The following PCDHGA4 variants were observed in gnomAD, a reference collection of about 807,000 sequenced individuals.
PCDHGA4 encodes protocadherin gamma-A4.
Under a neutral mutation model 54.6 loss-of-function variants are expected in PCDHGA4, and 38 were observed. That is an observed-to-expected ratio of 0.70 (90% CI 0.54 to 0.91). PCDHGA4 has a LOEUF of 0.91. Among genes scored for constraint, PCDHGA4 ranks in the 40% least tolerant of loss-of-function variants. The probability of loss-of-function intolerance (pLI) is 0.00; values close to 1 mark genes in which losing one functional copy is unlikely to be tolerated. For synonymous variants in PCDHGA4, 511 were observed against 512.9 expected, an observed-to-expected ratio of 1.00 and a Z score of 0.05; for missense variants, 1,298 against 1,220.9, an observed-to-expected ratio of 1.06 and a Z score of -0.94.
Position 141,356,039 on chromosome 5 carries a change from CT to C in PCDHGA4, c.935del (p.Phe312SerfsTer4), listed in dbSNP as rs1352227097. Reference sequence around the variant, plus strand: ...GGAGCCAATGGAGACGTGACGTATTCTTTCCGGAAAGTAAGAGACAAAATAT... The same window carrying C: ...GGAGCCAATGGAGACGTGACGTATTCTTCCGGAAAGTAAGAGACAAAATAT... ...DEGANGDVTYSFRKVRDKISQ... is the reference protein window; with the variant it reads ...DEGANGDVTYXFRKVRDKISQ... On this transcript the variant is annotated frameshift_variant, in exon 1 of 4. Coordinates refer to ENST00000571252, the MANE Select transcript of PCDHGA4 (RefSeq NM_018917.4). LOFTEE classifies it high-confidence loss of function. The C allele has an allele frequency of 6.2e-7, 1 of 1,613,832 alleles. No homozygotes were observed. The highest frequency in any genetic ancestry group is 8.5e-7 in the Non-Finnish European group (1 of 1,179,898).
chr5:141,501,013 C>A (rs1456343329), intron 2 of PCDHGA4, among the ~76,000 whole-genome samples: 6 of 151,970 alleles, frequency 3.9e-5, no homozygotes, highest in Non-Finnish European at 8.8e-5. Flanking sequence ...GGACTACAGG[C>A]ACGCGCCACC....
Position 141,431,054 on chromosome 5 carries a change from G to T in PCDHGA4, c.2515-63753G>T. 6.2e-7 allele frequency: 1 copy of T among 1,614,198 alleles called. No individual in the cohort carries two copies. The highest frequency in any genetic ancestry group is 8.5e-7 in the Non-Finnish European group (1 of 1,180,004). ...AGACCGGGAGGAGCTCTGTATGGGG[G>T]CCATCAAGTGTCAATTAAATCTAGA... On this transcript the variant is annotated intron_variant, in intron 1 of 3. Transcript: ENST00000571252. This position sits in a 1 kb window ranked among gnomAD's most constrained non-coding sequence, Gnocchi z 4.8.
chr5:141,504,180 A>G (rs1195970606), intron 2 of PCDHGA4, among the ~76,000 whole-genome samples: 1 of 152,236 alleles, frequency 6.6e-6, no homozygotes, highest in Non-Finnish European at 1.5e-5. Context: ...ATTCAAAAAA[A>G]TCATGAAAAT....
intron 1 of PCDHGA4, chr5:141,403,389 C>A (rs764725441): frequency 1.9e-6 from 3 of 1,614,050 alleles, no homozygotes; most frequent in Non-Finnish European, 2.5e-6. Flanking sequence ...AACGAAATCG[C>A]GGTTCCTGGA....
At chr5:141,483,816 A>G (rs2099587505) in intron 1 of PCDHGA4, among the ~76,000 whole-genome samples, 1 of 152,172 alleles carries the variant, frequency 6.6e-6, no homozygotes, top group Admixed American at 6.5e-5. Context: ...TTTGGCAGCC[A>G]GTGTAACCTA....
At chr5:141,423,033 C>A (rs2096701827) in intron 1 of PCDHGA4, 2 of 1,614,102 alleles carry the variant, frequency 1.2e-6, no homozygotes, top group Non-Finnish European at 1.7e-6. Flanking sequence ...CAGGCCAGAA[C>A]GCCTGGCTGT....
At chr5:141,402,877 T>C in intron 1 of PCDHGA4, 3 of 1,469,748 alleles carry the variant, frequency 2.0e-6, no homozygotes, top group East Asian at 4.9e-5. Flanking sequence ...CACCATACTT[T>C]GCAGGGTGGA....
At chr5:141,395,134 A>G (rs1468654358) in intron 1 of PCDHGA4, 7 of 1,614,062 alleles carry the variant, frequency 4.3e-6, no homozygotes, top group Middle Eastern at 1.6e-4. Flanking sequence ...CCCCAGCCCA[A>G]CTACGCAGAC....
At position 141,433,251 on chromosome 5, in the gene PCDHGA4, C is replaced by T. The variant is rs1022165468; in HGVS notation, c.2515-61556C>T. The T allele has an allele frequency of 1.1e-5, 16 of 1,423,126 alleles. No homozygotes were observed. In the East Asian group the frequency reaches 3.7e-4, roughly 33 times the overall value. 88.2% of individuals were successfully genotyped at this position (1,423,126 alleles called of 1,614,324 possible). A position where few individuals can be genotyped will look rare whatever the true frequency, so the allele number is the denominator to read the frequency against. ...CTCTGTCTCCCAAGCTGGAATGCAGCGGTACGATCATAGCTCACTGCAGCC... is the reference window on the plus strand; with the variant it reads ...CTCTGTCTCCCAAGCTGGAATGCAGTGGTACGATCATAGCTCACTGCAGCC... On this transcript the variant is annotated intron_variant, in intron 1 of 3. Transcript: ENST00000571252.
intron 2 of PCDHGA4, among the ~76,000 whole-genome samples, chr5:141,497,540 C>A (rs866982821): frequency 7.4e-6 from 1 of 134,944 alleles, no homozygotes; most frequent in African/African-American, 2.8e-5. Context: ...TGCAACAAAC[C>A]TTTTTTTTTT....
intron 1 of PCDHGA4, chr5:141,402,883 G>A (rs1418475947): frequency 6.7e-7 from 1 of 1,483,116 alleles, no homozygotes; most frequent in South Asian, 1.4e-5. Flanking sequence ...ACTTTGCAGG[G>A]TGGAAGAAAG....
chr5:141,375,766 G>T (rs754916018), intron 1 of PCDHGA4: 5 of 1,614,270 alleles, frequency 3.1e-6, no homozygotes, highest in Non-Finnish European at 4.2e-6. Flanking sequence ...ATGCGCCCGA[G>T]ATCCTGTACC....
intron 1 of PCDHGA4, chr5:141,400,533 C>A (rs1416453682): frequency 6.2e-7 from 1 of 1,613,900 alleles, no homozygotes; most frequent in Non-Finnish European, 8.5e-7. Context: ...TGGTGAGTTT[C>A]ATTTATGTCT....
intron 1 of PCDHGA4, among the ~76,000 whole-genome samples, chr5:141,472,908 C>T (rs1369506606): frequency 1.3e-5 from 2 of 149,744 alleles, no homozygotes; most frequent in African/African-American, 2.5e-5. Context: ...ATTGCTTGAA[C>T]CCAAGAGGAG....
rs1360124362 is a variant in PCDHGA4 at position 141,489,688 on chromosome 5, G to A, written c.2515-5119G>A. On this transcript the variant is annotated intron_variant, in intron 1 of 3. Coordinates refer to ENST00000571252, the MANE Select transcript of PCDHGA4 (RefSeq NM_018917.4). This position sits in a 1 kb window ranked among gnomAD's most constrained non-coding sequence, Gnocchi z 4.5. The stretch of plus-strand genomic sequence containing the variant: ...CATCTCAGAATCAGCAGCATCTGGG[G>A]CACGATTCCCACTGGACAGTGCCCA... 6.2e-7 allele frequency: 1 copy of A among 1,614,150 alleles called. No homozygotes were observed. Among genetic ancestry groups the A allele is most frequent in the Non-Finnish European group, 8.5e-7 (1 of 1,180,012 alleles).
At chr5:141,488,273 C>A (rs1411817846) in intron 1 of PCDHGA4, among the ~76,000 whole-genome samples, 6 of 152,256 alleles carry the variant, frequency 3.9e-5, no homozygotes, top group East Asian at 1.9e-4. Flanking sequence ...TTGGTCATCA[C>A]CTTTGGAAAA....
chr5:141,459,573 T>TTC (rs2098970689), intron 1 of PCDHGA4, among the ~76,000 whole-genome samples: 1 of 152,208 alleles, frequency 6.6e-6, no homozygotes, highest in Non-Finnish European at 1.5e-5. Context: ...CAAAACAGAA[T>TTC]TGTTTTGGGG....
chr5:141,375,308 G>A (rs761294258), intron 1 of PCDHGA4: 1 of 1,613,722 alleles, frequency 6.2e-7, no homozygotes, highest in African/African-American at 1.3e-5. Flanking sequence ...GACAAATGCA[G>A]CTCTAGACCG....
intron 1 of PCDHGA4, chr5:141,400,558 C>T: frequency 1.2e-6 from 2 of 1,613,290 alleles, no homozygotes; most frequent in Non-Finnish European, 1.7e-6. Flanking sequence ...TTTTTCATTA[C>T]CCACCCAATT....
Sources: gnomAD v4.1 joint callset for allele counts (sites outside exome capture counted in the v4.1 genomes callset) on GRCh38, gnomAD v4.1.1 for gene constraint, Gnocchi (gnomAD v3.1) non-coding constraint, MANE v1.5 for transcripts, NCBI Gene and HGNC (gene_info 2026-07-23, HGNC 2026-07-21) for gene names.